The following DSCAM variants were observed in gnomAD, a reference collection of about 807,000 sequenced individuals.
DSCAM encodes cell adhesion molecule DSCAM.
DSCAM carries 47 observed loss-of-function variants against 217.7 expected under a neutral mutation model. The observed-to-expected ratio is 0.22, with a 90% confidence interval of 0.17 to 0.28. DSCAM has a LOEUF of 0.28. DSCAM is among the 10% of genes least tolerant of loss of function. The pLI, the probability that DSCAM is intolerant of heterozygous loss-of-function variation, is 1.00. For synonymous variants in DSCAM, 1,056 were observed against 1,015.3 expected, an observed-to-expected ratio of 1.04 and a Z score of -0.76; for missense variants, 2,080 against 2,618.3, an observed-to-expected ratio of 0.79 and a Z score of 4.49.
chr21:40,750,556 A>G (rs943866013), intron 1 of DSCAM, among the ~76,000 whole-genome samples: 1 of 151,984 alleles, frequency 6.6e-6, no homozygotes, highest in Non-Finnish European at 1.5e-5. Context: ...GGTTTTTAGT[A>G]TCATCTCCAG....
At chr21:40,183,128 G>GGGGGCC (rs1568987301) in intron 14 of DSCAM, among the ~76,000 whole-genome samples, 1 of 149,800 alleles carries the variant, frequency 6.7e-6, no homozygotes, top group Non-Finnish European at 1.5e-5. Context: ...GTGGACAGGA[G>GGGGGCC]AGGCAACAAG....
chr21:40,079,838 C>A (rs1442281925), intron 25 of DSCAM, among the ~76,000 whole-genome samples: 1 of 152,138 alleles, frequency 6.6e-6, no homozygotes, highest in Admixed American at 6.5e-5. Context: ...AAGGGCGCCT[C>A]CAAACGGCTG....
chr21:40,579,037 A>T (rs370955993), intron 3 of DSCAM, among the ~76,000 whole-genome samples: 1 of 152,224 alleles, frequency 6.6e-6, no homozygotes, highest in Admixed American at 6.5e-5. Context: ...AGAAAGATGC[A>T]CATTAGCACA....
chr21:40,080,321 G>A lies in DSCAM; in HGVS notation c.4251C>T (p.Ser1417=), dbSNP rs1049740617. The A allele has an allele frequency of 2.4e-5, 38 of 1,611,580 alleles. No homozygotes were observed. Among genetic ancestry groups the A allele is most frequent in the South Asian group, 1.2e-4 (11 of 90,902 alleles). ...TCCCCCACTGCTCACTATTGTCCTCGGAGTACTGCAGTATGTATCCTGCAG... is the reference window on the plus strand; with the variant it reads ...TCCCCCACTGCTCACTATTGTCCTCAGAGTACTGCAGTATGTATCCTGCAG... The part of the protein sequence containing the change: ...SSIRGYILQY[S]EDNSEQWGSF... The change falls in exon 25 of 33, where the codon TCC becomes TCT. Residue 1417 remains serine (S), a synonymous_variant. Transcript: ENST00000400454.
intron 1 of DSCAM, among the ~76,000 whole-genome samples, chr21:40,766,710 G>T (rs1223244113): frequency 7.1e-5 from 6 of 85,006 alleles, no homozygotes; most frequent in African/African-American, 1.6e-4. Flanking sequence ...TTTTTTTTGA[G>T]GCAGGGTCTC....
At chr21:40,241,493 G>C (rs755552298) in intron 11 of DSCAM, among the ~76,000 whole-genome samples, 8 of 152,124 alleles carry the variant, frequency 5.3e-5, no homozygotes, top group Non-Finnish European at 1.0e-4. Context: ...AAAAATAACA[G>C]GTGCCGGTAA....
intron 3 of DSCAM, among the ~76,000 whole-genome samples, chr21:40,430,098 C>T (rs1170724418): frequency 6.6e-6 from 1 of 152,188 alleles, no homozygotes. Flanking sequence ...CTGCTTGTCA[C>T]CTCTTGCTAA....
Position 40,434,792 on chromosome 21 carries a change from A to G in DSCAM, c.509-65547T>C, listed in dbSNP as rs374319741. ...TCAATACAACATGTGTCACAAAAAA[A>G]CACCCGATTAGACACTAAATCCAGA... On this transcript the variant is annotated intron_variant, in intron 3 of 32. Transcript: ENST00000400454. Among the ~76,000 whole-genome samples, 12 of 152,312 alleles carry G rather than the reference A, an allele frequency of 7.9e-5. No homozygotes were observed. In the East Asian group the frequency reaches 2.3e-3, roughly 29 times the overall value.
At chr21:40,845,246 G>A (rs77702966) in intron 1 of DSCAM, among the ~76,000 whole-genome samples, 256 of 152,280 alleles carry the variant, frequency 1.7e-3, no homozygotes, top group African/African-American at 5.7e-3. Context: ...TTATACTGGA[G>A]AGCAAAGTAT....
intron 11 of DSCAM, among the ~76,000 whole-genome samples, chr21:40,218,478 CT>C (rs756772959): frequency 6.6e-6 from 1 of 152,098 alleles, no homozygotes; most frequent in Admixed American, 6.5e-5. Flanking sequence ...CTTTCAGGCC[CT>C]TTTTTTGGTT....
chr21:40,270,619 G>A (rs2073602840), intron 11 of DSCAM, among the ~76,000 whole-genome samples: 1 of 152,162 alleles, frequency 6.6e-6, no homozygotes, highest in African/African-American at 2.4e-5. Context: ...CAAATCTCAT[G>A]CTCAATTTTA....
intron 11 of DSCAM, among the ~76,000 whole-genome samples, chr21:40,204,791 G>A (rs911696498): frequency 1.3e-5 from 2 of 152,190 alleles, no homozygotes; most frequent in African/African-American, 2.4e-5. Context: ...CCTAGCTTTC[G>A]AGTAAATGCC....
intron 3 of DSCAM, among the ~76,000 whole-genome samples, chr21:40,519,865 CGT>C (rs35076900): frequency 3.3e-5 from 5 of 150,474 alleles, no homozygotes; most frequent in Non-Finnish European, 5.9e-5. Flanking sequence ...TGTGTGTATG[CGT>C]GTGTGTGTGT....
At position 40,402,049 on chromosome 21, in the gene DSCAM, C is replaced by CTTTTTTTTT. The variant is rs71186933; in HGVS notation, c.509-32813_509-32805dup. Among the ~76,000 whole-genome samples the CTTTTTTTTT allele has an allele frequency of 8.6e-5, 5 of 58,212 alleles. 1 individual carries two copies. Among genetic ancestry groups the CTTTTTTTTT allele is most frequent in the Non-Finnish European group, 1.4e-4 (5 of 34,760 alleles). 38.2% of individuals were successfully genotyped at this position (58,212 alleles called of 152,430 possible). ...AAATTTATTCTTATTATTCTTATTC[C>CTTTTTTTTT]TTTTTTTTTTTTTTTTTTTTTTTTT... On this transcript the variant is annotated intron_variant, in intron 3 of 32. Transcript: ENST00000400454.
At chr21:40,166,901 G>A (rs190355149) in intron 16 of DSCAM, among the ~76,000 whole-genome samples, 4 of 151,954 alleles carry the variant, frequency 2.6e-5, no homozygotes, top group Non-Finnish European at 2.9e-5. Context: ...ATTTTTGCTG[G>A]GATGAAATGA....
rs186727439 is a variant in DSCAM, at chr21:40,017,696, C to T, written c.5687-4310G>A. Among the ~76,000 whole-genome samples, 183 of 152,102 alleles carry T rather than the reference C, an allele frequency of 1.2e-3. No individual in the cohort carries two copies. In the East Asian group the frequency reaches 0.013, roughly 10 times the overall value. Reference sequence around the variant, plus strand: ...CCTCCTGAGTAGCTGGGATTACAGGCATGCACCACCACGCCTGGCTAATTT... The same window carrying T: ...CCTCCTGAGTAGCTGGGATTACAGGTATGCACCACCACGCCTGGCTAATTT... On this transcript the variant is annotated intron_variant, in intron 32 of 32. Transcript: ENST00000400454.
chr21:40,377,124 A>T (rs1037895454), intron 3 of DSCAM, among the ~76,000 whole-genome samples: 2 of 152,184 alleles, frequency 1.3e-5, no homozygotes, highest in African/African-American at 4.8e-5. Flanking sequence ...TTCTAGGTGG[A>T]GGCTACCACT....
chr21:40,406,873 C>A (rs1013142751), intron 3 of DSCAM, among the ~76,000 whole-genome samples: 2 of 152,168 alleles, frequency 1.3e-5, no homozygotes, highest in Non-Finnish European at 2.9e-5. Flanking sequence ...CCTGCCTCGA[C>A]CTCCCAGAAT....
intron 20 of DSCAM, among the ~76,000 whole-genome samples, chr21:40,118,692 A>G (rs2090000427): frequency 6.6e-6 from 1 of 152,212 alleles, no homozygotes; most frequent in Non-Finnish European, 1.5e-5. Context: ...CCTCTGATTC[A>G]TCAGGTAAAA....
Sources: allele counts gnomAD v4.1 joint callset (sites outside exome capture counted in the v4.1 genomes callset), GRCh38; gene constraint gnomAD v4.1.1; transcripts MANE v1.5; gene names NCBI Gene and HGNC (gene_info 2026-07-23, HGNC 2026-07-21).